The following BMP7 variants were observed in gnomAD, a reference collection of about 807,000 sequenced individuals.
BMP7 encodes bone morphogenetic protein 7.
A neutral mutation model predicts 41.2 loss-of-function variants in BMP7; 12 were observed. That is an observed-to-expected ratio of 0.29 (90% CI 0.19 to 0.47). BMP7 has a LOEUF of 0.47. Among genes scored for constraint, BMP7 ranks in the 20% least tolerant of loss-of-function variants. BMP7 has a pLI of 0.99. For synonymous variants in BMP7, 248 were observed against 250.0 expected, an observed-to-expected ratio of 0.99 and a Z score of 0.07; for missense variants, 467 against 606.0, an observed-to-expected ratio of 0.77 and a Z score of 2.41.
In BMP7 at chr20:57,229,158, A is replaced by G. The variant is rs570552011; in HGVS notation, c.419-737T>C. 2.0e-5 allele frequency among the ~76,000 whole-genome samples: 3 copies of G among 152,310 alleles called. No individual in the cohort carries two copies. The East Asian group carries it at 5.8e-4, about 29-fold the overall frequency. On this transcript the variant is annotated intron_variant, in intron 1 of 6. Coordinates refer to ENST00000395863, the MANE Select transcript of BMP7 (RefSeq NM_001719.3). ...CCATCTTGGCAGATTTCAAGCTACC[A>G]ACGTGAGGCTGCTGGACATGGGAAG... is the stretch of plus-strand genomic sequence containing the variant.
At chr20:57,175,070 A>C in intron 4 of BMP7, 63 bp from the exon 5 acceptor site, 1 of 1,493,080 alleles carries the variant, frequency 6.7e-7, no homozygotes, top group Non-Finnish European at 9.1e-7. Context: ...ACACACATCA[A>C]AGTTCCCTCC....
chr20:57,242,728 C>A (rs1232933437), intron 1 of BMP7, among the ~76,000 whole-genome samples: 1 of 152,194 alleles, frequency 6.6e-6, no homozygotes, highest in African/African-American at 2.4e-5. Flanking sequence ...AGCTGCCAGG[C>A]ACAGTGGCTC....
intron 2 of BMP7, among the ~76,000 whole-genome samples, chr20:57,206,139 C>G (rs114342906): frequency 1.0e-3 from 156 of 152,322 alleles, no homozygotes; most frequent in African/African-American, 3.4e-3. Context: ...ACCAGGAGAG[C>G]ACTGAAGGAG....
At chr20:57,223,471 T>C (rs1332960745) in intron 2 of BMP7, among the ~76,000 whole-genome samples, 1 of 152,188 alleles carries the variant, frequency 6.6e-6, no homozygotes, top group African/African-American at 2.4e-5. Flanking sequence ...TGGACCCATC[T>C]GAGCCCCAGG....
chr20:57,246,824 A>C (rs546622578), intron 1 of BMP7, among the ~76,000 whole-genome samples: 1 of 152,260 alleles, frequency 6.6e-6, no homozygotes, highest in African/African-American at 2.4e-5. Flanking sequence ...CTCCATCCCT[A>C]CTAAAAGTAC....
chr20:57,187,078 T>C (rs961657931), intron 3 of BMP7: 5 of 152,228 alleles, frequency 3.3e-5, no homozygotes, highest in African/African-American at 9.7e-5. Flanking sequence ...AAAAAGTCTC[T>C]CTGTACCTCT....
chr20:57,260,289 C>A (rs774525400), intron 1 of BMP7, among the ~76,000 whole-genome samples: 1 of 152,136 alleles, frequency 6.6e-6, no homozygotes, highest in Non-Finnish European at 1.5e-5. Context: ...TAGAAAGAAC[C>A]AGCTCGCTTC....
chr20:57,249,180 TAG>T (rs1181533260), intron 1 of BMP7, among the ~76,000 whole-genome samples: 2 of 152,198 alleles, frequency 1.3e-5, no homozygotes, highest in African/African-American at 4.8e-5. Context: ...GTATCTCTTA[TAG>T]TATCTGCTGT....
At chr20:57,222,032 G>A (rs754500259) in intron 2 of BMP7, among the ~76,000 whole-genome samples, 6 of 152,272 alleles carry the variant, frequency 3.9e-5, no homozygotes, top group African/African-American at 7.2e-5. Flanking sequence ...CGATGGAAAC[G>A]TAAAGAGAGC....
chr20:57,181,552 A>T (rs1600729248), intron 4 of BMP7, among the ~76,000 whole-genome samples: 1 of 152,334 alleles, frequency 6.6e-6, no homozygotes, highest in East Asian at 1.9e-4. Context: ...GCCAACAAAG[A>T]TGTATTCTTT....
chr20:57,256,165 G>C (rs2066133651), intron 1 of BMP7, among the ~76,000 whole-genome samples: 1 of 152,198 alleles, frequency 6.6e-6, no homozygotes, highest in East Asian at 1.9e-4. Flanking sequence ...GATGGGAGGA[G>C]GCAAGAGGAA....
chr20:57,209,306 G>T (rs190078956), intron 2 of BMP7, among the ~76,000 whole-genome samples: 1 of 138,792 alleles, frequency 7.2e-6, no homozygotes, highest in African/African-American at 2.7e-5. Flanking sequence ...TTAACCAGGC[G>T]TGGTGGTACA....
At chr20:57,172,482 T>C (rs187576782) in intron 6 of BMP7, among the ~76,000 whole-genome samples, 43 of 152,202 alleles carry the variant, frequency 2.8e-4, no homozygotes, top group Non-Finnish European at 5.7e-4. Context: ...GGAGTAGTCC[T>C]GGTAGTGAGC....
In BMP7 at chr20:57,243,275, G is replaced by A. The variant is rs75902587; in HGVS notation, c.419-14854C>T. 5.1e-4 allele frequency among the ~76,000 whole-genome samples: 78 copies of A among 151,928 alleles called. No homozygotes were observed. In the East Asian group the frequency reaches 0.013, roughly 25 times the overall value. On this transcript the variant is annotated intron_variant, in intron 1 of 6. Transcript: ENST00000395863. ...CGAGGCAGGTGTATCACTTGAGTCC[G>A]GGAGACCAGCCTGGCTAATATGCCA...
intron 1 of BMP7, 38 bp downstream of exon 1, chr20:57,265,667 C>G: frequency 6.4e-7 from 1 of 1,572,604 alleles, no homozygotes; most frequent in African/African-American, 1.4e-5. Context: ...CAAAGTGCCC[C>G]CGAAAGGAGA....
chr20:57,211,306 T>C (rs1984878609), intron 2 of BMP7, among the ~76,000 whole-genome samples: 1 of 152,200 alleles, frequency 6.6e-6, no homozygotes, highest in Non-Finnish European at 1.5e-5. Context: ...ACGCCTCTGC[T>C]GGGAGCAACA....
chr20:57,200,289 A>G (rs1984591002), intron 3 of BMP7, among the ~76,000 whole-genome samples: 1 of 152,226 alleles, frequency 6.6e-6, no homozygotes, highest in African/African-American at 2.4e-5. Flanking sequence ...CCTAGGTCAC[A>G]AGGCCGGAAA....
rs1984149301 is a variant in BMP7, at chr20:57,183,907, T to C, written c.773A>G (p.Asn258Ser). Residue 258 changes from asparagine to serine, a missense_variant, in exon 4 of 7, where the codon AAC becomes AGC. By Grantham distance (46) the Asn-to-Ser change is conservative. Coordinates refer to ENST00000395863, the MANE Select transcript of BMP7 (RefSeq NM_001719.3). ...CCCAATCAGGCCCGCCAACTTGGGGTTGATGCTCTGCCCTGGACAGGAAGC... is the reference window on the plus strand; with the variant it reads ...CCCAATCAGGCCCGCCAACTTGGGGCTGATGCTCTGCCCTGGACAGGAAGC... Reference protein sequence around the residue: ...SVETLDGQSINPKLAGLIGRH... With the variant: ...SVETLDGQSISPKLAGLIGRH... The C allele has an allele frequency of 1.9e-6, 3 of 1,613,586 alleles. No homozygotes were observed. Among genetic ancestry groups the C allele is most frequent in the Admixed American group, 3.3e-5 (2 of 60,000 alleles).
At chr20:57,180,107 C>T (rs1053144609) in intron 4 of BMP7, among the ~76,000 whole-genome samples, 1 of 152,102 alleles carries the variant, frequency 6.6e-6, no homozygotes, top group African/African-American at 2.4e-5. Flanking sequence ...AAGGAGTCTC[C>T]GGCCTCTGAG....
Sources: allele counts gnomAD v4.1 joint callset (sites outside exome capture counted in the v4.1 genomes callset), GRCh38; gene constraint gnomAD v4.1.1; transcripts MANE v1.5; gene names NCBI Gene and HGNC (gene_info 2026-07-23, HGNC 2026-07-21).